HECW1: variants seen among roughly 807,000 people sequenced by gnomAD.
The protein encoded by HECW1 is E3 ubiquitin-protein ligase HECW1.
Under a neutral mutation model 182.3 loss-of-function variants are expected in HECW1, and 61 were observed. That is an observed-to-expected ratio of 0.33 (90% CI 0.27 to 0.41). HECW1 has a LOEUF of 0.41. Among genes scored for constraint, HECW1 ranks in the 10% least tolerant of loss-of-function variants. HECW1 has a pLI of 1.00. For missense variants in HECW1, 1,739 were observed against 2,108.9 expected (o/e 0.82, Z 3.44); for synonymous variants, 859 against 832.6 (o/e 1.03, Z -0.55).
At chr7:43,242,881 A>G (rs1799015687) in intron 2 of HECW1, among the ~76,000 whole-genome samples, 2 of 152,162 alleles carry the variant, frequency 1.3e-5, no homozygotes, top group Non-Finnish European at 2.9e-5. Context: ...AGCGTCCACC[A>G]GGGCGTTGGA....
At chr7:43,394,598 G>C (rs2075161964) in intron 6 of HECW1, among the ~76,000 whole-genome samples, 1 of 152,142 alleles carries the variant, frequency 6.6e-6, no homozygotes, top group East Asian at 1.9e-4. Flanking sequence ...AAGGAACTAA[G>C]GAAGATGAAT....
chr7:43,541,136 G>T (rs551582625), intron 24 of HECW1, 27 bp from the exon 25 acceptor site: 16 of 1,561,914 alleles, frequency 1.0e-5, no homozygotes, highest in Non-Finnish European at 1.3e-5. Context: ...TCCACTTACC[G>T]ATTTCTCTGC....
At chr7:43,289,779 T>C (rs964199733) in intron 3 of HECW1, among the ~76,000 whole-genome samples, 7 of 152,186 alleles carry the variant, frequency 4.6e-5, no homozygotes, top group Non-Finnish European at 8.8e-5. Context: ...TTTATACATT[T>C]TAGGGAGACA....
Position 43,450,991 on chromosome 7 carries a change from A to G in HECW1, c.2500+62A>G, listed in dbSNP as rs139856460. Reference sequence around the variant, plus strand: ...TCCTATCAAGTCTAAGCAGGTCAGTATGAATTTGTGTGTAAACATCTAAAG... The same window carrying G: ...TCCTATCAAGTCTAAGCAGGTCAGTGTGAATTTGTGTGTAAACATCTAAAG... On this transcript the variant is annotated intron_variant, in intron 12 of 29. Coordinates refer to ENST00000395891, the MANE Select transcript of HECW1 (RefSeq NM_015052.5). 8 of 1,181,138 alleles carry G rather than the reference A, an allele frequency of 6.8e-6. No individual in the cohort carries two copies. The African/African-American group carries it at 1.1e-4, about 16-fold the overall frequency. 73.2% of individuals were successfully genotyped at this position (1,181,138 alleles called of 1,614,324 possible).
chr7:43,312,285 A>G (rs941238861), intron 4 of HECW1, among the ~76,000 whole-genome samples, 198 bp downstream of exon 4: 1 of 152,222 alleles, frequency 6.6e-6, no homozygotes, highest in East Asian at 1.9e-4. Context: ...TCTCCATTCC[A>G]TGGAAGAAAA....
At chr7:43,114,449 A>G (rs770348862) in intron 2 of HECW1, 58 bp downstream of exon 2, 105 of 1,305,712 alleles carry the variant, frequency 8.0e-5, no homozygotes, top group Non-Finnish European at 9.4e-5. Context: ...CTAAGAAGGG[A>G]TTAGAGTCCA....
intron 2 of HECW1, among the ~76,000 whole-genome samples, chr7:43,197,562 C>A (rs1256300952): frequency 6.6e-6 from 1 of 152,168 alleles, no homozygotes; most frequent in African/African-American, 2.4e-5. Flanking sequence ...TTCTACAGCT[C>A]CCCCAGCCCT....
intron 2 of HECW1, among the ~76,000 whole-genome samples, chr7:43,160,129 CA>C: frequency 6.6e-6 from 1 of 152,174 alleles, no homozygotes; most frequent in Admixed American, 6.5e-5. Flanking sequence ...TGTCCCTTTG[CA>C]CTTACTGATT....
chr7:43,340,215 A>C (rs1235406730), intron 5 of HECW1, among the ~76,000 whole-genome samples: 154 of 64,274 alleles, frequency 2.4e-3, no homozygotes, highest in Middle Eastern at 0.011. Flanking sequence ...TCTAATTCCC[A>C]CCCCCCACCC....
chr7:43,376,552 A>G (rs1028581413), intron 6 of HECW1, among the ~76,000 whole-genome samples: 2 of 152,108 alleles, frequency 1.3e-5, no homozygotes, highest in East Asian at 3.9e-4. Context: ...TTGTATTAAC[A>G]TTTCACTGAA....
intron 2 of HECW1, among the ~76,000 whole-genome samples, chr7:43,163,891 G>C (rs750492620): frequency 6.6e-6 from 1 of 152,166 alleles, no homozygotes. Flanking sequence ...TGTAAAGAAG[G>C]AAGTCATTGT....
chr7:43,459,153 C>T (rs138505794), intron 13 of HECW1, among the ~76,000 whole-genome samples: 185 of 152,272 alleles, frequency 1.2e-3, no homozygotes, highest in African/African-American at 4.1e-3. Flanking sequence ...CCCAGGAAGC[C>T]GTCCCAGAAT....
chr7:43,168,724 TAGAC>T (rs781641578), intron 2 of HECW1, among the ~76,000 whole-genome samples: 23 of 152,130 alleles, frequency 1.5e-4, no homozygotes, highest in South Asian at 2.1e-4. Flanking sequence ...GACACATACA[TAGAC>T]AGACACAAAT....
intron 2 of HECW1, among the ~76,000 whole-genome samples, chr7:43,201,926 A>G (rs552049973): frequency 6.6e-6 from 1 of 152,172 alleles, no homozygotes; most frequent in Non-Finnish European, 1.5e-5. Context: ...ATGACTTACG[A>G]CTCTGGGGTA....
chr7:43,444,277 A>G lies in HECW1; in HGVS notation c.1105A>G (p.Met369Val). 6.2e-7 allele frequency: 1 copy of G among 1,614,124 alleles called. No individual in the cohort carries two copies. Among genetic ancestry groups the G allele is most frequent in the Non-Finnish European group, 8.5e-7 (1 of 1,179,980 alleles). Residue 369 changes from methionine (M) to valine (V), a missense_variant, in exon 11 of 30, where the codon ATG becomes GTG. By Grantham distance (21) the Met-to-Val change is conservative. Coordinates refer to ENST00000395891, the MANE Select transcript of HECW1 (RefSeq NM_015052.5). The surrounding 1 kb of genome is among the most constrained non-coding windows in gnomAD (Gnocchi z 4.3). ...PESAQIQDSP[M>V]NNLMESGSGE... is the part of the protein sequence containing the mutation. ...GTCAGCCCAAATTCAGGACAGCCCC[A>G]TGAACAACCTGATGGAAAGCGGCAG...
rs533343377 is a variant in HECW1 at position 43,168,841 on chromosome 7, C to G, written c.-32+54450C>G. Among the ~76,000 whole-genome samples the G allele has an allele frequency of 3.3e-3, 500 of 152,232 alleles. 1 individual carries two copies. Among genetic ancestry groups the G allele is most frequent in the African/African-American group, 0.012 (488 of 41,540 alleles). On this transcript the variant is annotated intron_variant, in intron 2 of 29. Coordinates refer to ENST00000395891, the MANE Select transcript of HECW1 (RefSeq NM_015052.5). The stretch of plus-strand genomic sequence containing the variant: ...GCAATTAGCACTATGCATGTTAAAA[C>G]ACTGACAAGATATGATTCTACTCCA...
chr7:43,399,459 C>T (rs1021397420), intron 7 of HECW1, among the ~76,000 whole-genome samples: 1 of 152,128 alleles, frequency 6.6e-6, no homozygotes, highest in Non-Finnish European at 1.5e-5. Context: ...ACAGTAGAAA[C>T]CAGGAATACT....
intron 3 of HECW1, among the ~76,000 whole-genome samples, chr7:43,281,067 G>A (rs1803836575): frequency 6.6e-6 from 1 of 152,054 alleles, no homozygotes; most frequent in African/African-American, 2.4e-5. Flanking sequence ...CATTGACTGG[G>A]GGAGTGGAGG....
intron 29 of HECW1, among the ~76,000 whole-genome samples, chr7:43,557,836 A>G (rs1056560603): frequency 6.6e-6 from 1 of 152,206 alleles, no homozygotes; most frequent in African/African-American, 2.4e-5. Context: ...GTTCCTCAAA[A>G]CAGCACTTTA....
Sources: gnomAD v4.1 joint callset for allele counts (sites outside exome capture counted in the v4.1 genomes callset) on GRCh38, gnomAD v4.1.1 for gene constraint, Gnocchi (gnomAD v3.1) non-coding constraint, MANE v1.5 for transcripts, NCBI Gene and HGNC (gene_info 2026-07-23, HGNC 2026-07-21) for gene names.